GALNT17: variants seen among roughly 807,000 people sequenced by gnomAD.
GALNT17 encodes polypeptide N-acetylgalactosaminyltransferase 17.
In GALNT17, 29 loss-of-function variants were observed where a neutral mutation model predicts 63.7. The observed-to-expected ratio is 0.46, with a 90% confidence interval of 0.34 to 0.62. The LOEUF is 0.62. Among genes scored for constraint, GALNT17 ranks in the 20% least tolerant of loss-of-function variants. GALNT17 has a pLI of 0.01. For synonymous variants in GALNT17, 305 were observed against 318.3 expected, an observed-to-expected ratio of 0.96 and a Z score of 0.45; for missense variants, 603 against 799.6, an observed-to-expected ratio of 0.75 and a Z score of 2.97.
intron 1 of GALNT17, among the ~76,000 whole-genome samples, chr7:71,162,075 T>C (rs1322669755): frequency 1.9e-5 from 2 of 104,718 alleles, no homozygotes; most frequent in Middle Eastern, 4.5e-3. Flanking sequence ...CTTCCTTCCT[T>C]CCTTCTTTCC....
chr7:71,189,368 A>G (rs963727132), intron 1 of GALNT17, among the ~76,000 whole-genome samples: 35 of 152,170 alleles, frequency 2.3e-4, no homozygotes, highest in Admixed American at 7.2e-4. Flanking sequence ...TGAAAATGGA[A>G]TAATACATTG....
rs1277526743 is a variant in GALNT17, at chr7:71,177,931, A to C, written c.238+44891A>C. Among the ~76,000 whole-genome samples the C allele has an allele frequency of 2.0e-5, 3 of 152,098 alleles. No homozygotes were observed. In the South Asian group the frequency reaches 6.2e-4, roughly 32 times the overall value. ...GGTTGCTTGCCTGATGATTTAGGTA[A>C]CCTTCTAAATGTGTATATTTTTCCT... On this transcript the variant is annotated intron_variant, in intron 1 of 10. Coordinates refer to ENST00000333538, the MANE Select transcript of GALNT17 (RefSeq NM_022479.3).
intron 5 of GALNT17, among the ~76,000 whole-genome samples, chr7:71,459,458 AG>A (rs1401218357): frequency 6.6e-6 from 1 of 152,226 alleles, no homozygotes; most frequent in Non-Finnish European, 1.5e-5. Context: ...TTTCAGGCTG[AG>A]GACTAAGCTC....
At chr7:71,625,051 CT>C (rs1368833786) in intron 6 of GALNT17, among the ~76,000 whole-genome samples, 1 of 152,192 alleles carries the variant, frequency 6.6e-6, no homozygotes, top group Non-Finnish European at 1.5e-5. Flanking sequence ...CTGAAAAGCT[CT>C]CAGGATCCCC....
intron 1 of GALNT17, among the ~76,000 whole-genome samples, chr7:71,145,017 T>A (rs55738150): frequency 6.6e-6 from 1 of 152,290 alleles, no homozygotes; most frequent in Non-Finnish European, 1.5e-5. Flanking sequence ...TGTGAGCCAC[T>A]GTGCCCATCT....
At chr7:71,579,859 T>C (rs758332031) in intron 6 of GALNT17, among the ~76,000 whole-genome samples, 23 of 151,440 alleles carry the variant, frequency 1.5e-4, no homozygotes, top group Non-Finnish European at 2.8e-4. Context: ...GATAGGTAGG[T>C]AGGAAGAAAG....
intron 1 of GALNT17, among the ~76,000 whole-genome samples, chr7:71,318,422 G>A (rs76922253): frequency 7.1e-6 from 1 of 140,050 alleles, no homozygotes; most frequent in South Asian, 2.3e-4. Flanking sequence ...TTTTTTTTTT[G>A]TGTGTGTGTG....
intron 1 of GALNT17, among the ~76,000 whole-genome samples, chr7:71,274,945 C>G (rs1009542562): frequency 6.6e-6 from 1 of 152,170 alleles, no homozygotes; most frequent in African/African-American, 2.4e-5. Context: ...ATGCTTGGCC[C>G]TGGGGGGTCG....
At chr7:71,419,907 T>C (rs1786628078) in intron 4 of GALNT17, among the ~76,000 whole-genome samples, 1 of 152,230 alleles carries the variant, frequency 6.6e-6, no homozygotes, top group Non-Finnish European at 1.5e-5. Flanking sequence ...TTGCTCATTT[T>C]AAATAGAAAG....
intron 1 of GALNT17, among the ~76,000 whole-genome samples, chr7:71,335,073 C>G (rs1380137485): frequency 6.6e-6 from 1 of 152,138 alleles, no homozygotes; most frequent in Non-Finnish European, 1.5e-5. Flanking sequence ...TGGTCTCTCC[C>G]TTTTACAGAC....
intron 5 of GALNT17, among the ~76,000 whole-genome samples, chr7:71,527,011 C>A (rs1788635667): frequency 6.6e-6 from 1 of 152,194 alleles, no homozygotes; most frequent in Non-Finnish European, 1.5e-5. Context: ...ATCACTTTCA[C>A]CAGTCTCTGA....
At chr7:71,330,091 C>T (rs1791781687) in intron 1 of GALNT17, among the ~76,000 whole-genome samples, 1 of 152,022 alleles carries the variant, frequency 6.6e-6, no homozygotes, top group South Asian at 2.1e-4. Flanking sequence ...GAGCTCACTG[C>T]AGCCTCCATC....
chr7:71,684,023 A>C (rs1791311435), intron 9 of GALNT17, among the ~76,000 whole-genome samples: 1 of 151,312 alleles, frequency 6.6e-6, no homozygotes, highest in Admixed American at 6.6e-5. Context: ...AAAAAAAAAA[A>C]AAACAAAAGA....
chr7:71,496,583 C>G (rs1185530643), intron 5 of GALNT17, among the ~76,000 whole-genome samples: 1 of 152,130 alleles, frequency 6.6e-6, no homozygotes, highest in Non-Finnish European at 1.5e-5. Context: ...GAAGCCCAAC[C>G]TGAAAGGAGT....
intron 1 of GALNT17, among the ~76,000 whole-genome samples, chr7:71,287,199 T>C (rs1357978239): frequency 2.0e-5 from 3 of 152,034 alleles, no homozygotes; most frequent in African/African-American, 7.2e-5. Context: ...AAGCGATCCT[T>C]TCACCCCAGC....
intron 1 of GALNT17, among the ~76,000 whole-genome samples, chr7:71,321,668 T>C (rs1791608107): frequency 7.6e-6 from 1 of 132,234 alleles, no homozygotes; most frequent in South Asian, 2.8e-4. Flanking sequence ...AGTGCAGTGG[T>C]GCAATCTCAG....
At chr7:71,696,399 C>A (rs1791546739) in intron 9 of GALNT17, among the ~76,000 whole-genome samples, 1 of 152,118 alleles carries the variant, frequency 6.6e-6, no homozygotes, top group African/African-American at 2.4e-5. Flanking sequence ...AGGTGTGAGC[C>A]CCTGTGCCCA....
In GALNT17 at chr7:71,519,008, T is replaced by G. The variant is rs533927280; in HGVS notation, c.963-52277T>G. Among the ~76,000 whole-genome samples the G allele has an allele frequency of 7.2e-5, 11 of 152,316 alleles. No homozygotes were observed. The East Asian group carries it at 1.9e-3, about 27-fold the overall frequency. On this transcript the variant is annotated intron_variant, in intron 5 of 10. Transcript: ENST00000333538. ...GCCACAGGATACATCAGTGTCATGG[T>G]TGAGGATTATTTAGGCATATTTCCA...
At chr7:71,555,312 C>T (rs574239241) in intron 5 of GALNT17, among the ~76,000 whole-genome samples, 1 of 152,080 alleles carries the variant, frequency 6.6e-6, no homozygotes, top group Non-Finnish European at 1.5e-5. Flanking sequence ...CTTCTCAACC[C>T]TGATTGTGCT....
Sources: allele counts gnomAD v4.1 joint callset (sites outside exome capture counted in the v4.1 genomes callset), GRCh38; gene constraint gnomAD v4.1.1; transcripts MANE v1.5; gene names NCBI Gene and HGNC (gene_info 2026-07-23, HGNC 2026-07-21).